RGS7: variants seen among roughly 807,000 people sequenced by gnomAD.
RGS7 encodes regulator of G protein signaling 7.
In RGS7, 27 loss-of-function variants were observed where a neutral mutation model predicts 81.1. That is an observed-to-expected ratio of 0.33 (90% CI 0.25 to 0.46). RGS7 has a LOEUF of 0.46. Ranked by LOEUF, RGS7 falls within the 20% of genes least tolerant of loss-of-function variation. The probability of loss-of-function intolerance (pLI) is 1.00; values close to 1 mark genes in which losing one functional copy is unlikely to be tolerated. For synonymous variants in RGS7, 208 were observed against 207.7 expected (o/e 1.00, Z -0.01); for missense variants, 396 against 607.4 (o/e 0.65, Z 3.66).
chr1:241,145,825 A>G (rs2068274061), intron 2 of RGS7, among the ~76,000 whole-genome samples: 1 of 152,232 alleles, frequency 6.6e-6, no homozygotes, highest in African/African-American at 2.4e-5. Context: ...TCCCAGTTTA[A>G]TGAACAGTTC....
intron 2 of RGS7, among the ~76,000 whole-genome samples, chr1:241,281,480 C>T (rs1307590648): frequency 6.6e-6 from 1 of 152,184 alleles, no homozygotes; most frequent in Non-Finnish European, 1.5e-5. Flanking sequence ...TTAGTGCAAA[C>T]CGTAAACGCT....
chr1:241,250,108 T>G (rs1413337173), intron 2 of RGS7, among the ~76,000 whole-genome samples: 1 of 152,146 alleles, frequency 6.6e-6, no homozygotes, highest in Non-Finnish European at 1.5e-5. Flanking sequence ...TTTTACAGGA[T>G]GGGGAAAGCA....
intron 3 of RGS7, among the ~76,000 whole-genome samples, chr1:240,994,952 AG>A (rs1440055567): frequency 8.5e-5 from 13 of 152,124 alleles, no homozygotes; most frequent in Admixed American, 7.2e-4. Flanking sequence ...CTGAGATTAA[AG>A]GCATGAACCA....
chr1:241,223,449 G>A (rs2075129249), intron 2 of RGS7, among the ~76,000 whole-genome samples: 1 of 152,126 alleles, frequency 6.6e-6, no homozygotes, highest in African/African-American at 2.4e-5. Flanking sequence ...TCAATTCCCA[G>A]AGTCCCAGTT....
At chr1:241,170,859 T>TTTTTTTTTTTTTTTTTTTTTTGAG (rs2070684256) in intron 2 of RGS7, among the ~76,000 whole-genome samples, 1 of 152,164 alleles carries the variant, frequency 6.6e-6, no homozygotes, top group African/African-American at 2.4e-5. Flanking sequence ...TTTTCTTCTT[T>TTTTTTTTTTTTTTTTTTTTTTGAG]AAACTCTACT....
chr1:241,142,992 A>C (rs183477059), intron 2 of RGS7, among the ~76,000 whole-genome samples: 1 of 152,280 alleles, frequency 6.6e-6, no homozygotes, highest in African/African-American at 2.4e-5. Flanking sequence ...AAGTTCCACA[A>C]ATATCTCAGG....
At chr1:241,010,719 AATGTCTTCTCAG>A (rs72075820) in intron 3 of RGS7, among the ~76,000 whole-genome samples, 2,658 of 152,304 alleles carry the variant, frequency 0.017, 42 homozygotes, top group South Asian at 0.037. Flanking sequence ...CTTTCAAGTT[AATGTCTTCTCAG>A]CCAATGCACT....
At chr1:240,815,417 C>T (rs754972193) in intron 11 of RGS7, among the ~76,000 whole-genome samples, 4 of 152,094 alleles carry the variant, frequency 2.6e-5, no homozygotes, top group Non-Finnish European at 4.4e-5. Flanking sequence ...AATCATACTT[C>T]CCTCCAAATT....
At chr1:240,837,469 T>A (rs1374165590) in intron 9 of RGS7, among the ~76,000 whole-genome samples, 1 of 152,244 alleles carries the variant, frequency 6.6e-6, no homozygotes, top group Admixed American at 6.5e-5. Flanking sequence ...TTTATACCCA[T>A]AATTGAACTG....
chr1:240,976,554 A>G (rs1684090007), intron 4 of RGS7, among the ~76,000 whole-genome samples: 1 of 152,174 alleles, frequency 6.6e-6, no homozygotes, highest in African/African-American at 2.4e-5. Flanking sequence ...GCTTCATCCC[A>G]TCAGCTGAAG....
intron 9 of RGS7, among the ~76,000 whole-genome samples, chr1:240,831,742 T>C (rs1693886822): frequency 2.0e-5 from 3 of 151,986 alleles, no homozygotes; most frequent in African/African-American, 7.2e-5. Context: ...TTCAAGTGAT[T>C]CTCCTGTCTC....
chr1:241,142,206 A>T (rs893257181), intron 2 of RGS7, among the ~76,000 whole-genome samples: 1 of 152,136 alleles, frequency 6.6e-6, no homozygotes, highest in African/African-American at 2.4e-5. Context: ...CTGAGTGCCT[A>T]CAGGTTTTCC....
At chr1:241,058,840 G>A (rs746745804) in intron 3 of RGS7, among the ~76,000 whole-genome samples, 1 of 152,148 alleles carries the variant, frequency 6.6e-6, no homozygotes. Context: ...TCCTTTCTGA[G>A]AGTGTGTGAT....
At chr1:241,230,628 C>A (rs2075603703) in intron 2 of RGS7, among the ~76,000 whole-genome samples, 1 of 152,232 alleles carries the variant, frequency 6.6e-6, no homozygotes, top group Non-Finnish European at 1.5e-5. Context: ...AAAACATTAA[C>A]CTCAAGGCCT....
chr1:241,188,462 C>T (rs1470474903), intron 2 of RGS7, among the ~76,000 whole-genome samples: 5 of 151,914 alleles, frequency 3.3e-5, no homozygotes, highest in African/African-American at 1.2e-4. Flanking sequence ...AAAAAGAGAA[C>T]CTTAATTATA....
intron 2 of RGS7, among the ~76,000 whole-genome samples, chr1:241,177,708 G>A (rs900011574): frequency 3.3e-5 from 5 of 152,154 alleles, no homozygotes; most frequent in African/African-American, 1.2e-4. Flanking sequence ...GTAGAGGAAT[G>A]AGCAGATTCA....
At chr1:241,330,359 A>T (rs2081901110) in intron 2 of RGS7, among the ~76,000 whole-genome samples, 1 of 152,356 alleles carries the variant, frequency 6.6e-6, no homozygotes, top group African/African-American at 2.4e-5. Flanking sequence ...GATCTATCAG[A>T]TTCAAAAAAC....
chr1:240,829,844 T>TGTGTCATAG (rs1164662319), intron 9 of RGS7, among the ~76,000 whole-genome samples: 7 of 152,146 alleles, frequency 4.6e-5, no homozygotes, highest in Middle Eastern at 3.4e-3. Context: ...TATGATAAGA[T>TGTGTCATAG]GTGTCATAGA....
At chr1:241,198,244 G>A (rs2073229874) in intron 2 of RGS7, among the ~76,000 whole-genome samples, 2 of 151,758 alleles carry the variant, frequency 1.3e-5, no homozygotes, top group African/African-American at 4.8e-5. Context: ...ATATACATGA[G>A]ACAAAGGCTG....
Sources: allele counts gnomAD v4.1 joint callset (sites outside exome capture counted in the v4.1 genomes callset), GRCh38; gene constraint gnomAD v4.1.1; transcripts MANE v1.5; gene names NCBI Gene and HGNC (gene_info 2026-07-23, HGNC 2026-07-21).